The following CHD1L variants were observed in gnomAD, a reference collection of about 807,000 sequenced individuals.
CHD1L encodes chromodomain helicase DNA binding protein 1 like.
CHD1L carries 118 observed loss-of-function variants against 115.9 expected under a neutral mutation model. The observed-to-expected ratio is 1.02, with a 90% CI of 0.88 to 1.19. The LOEUF (loss-of-function observed/expected upper bound fraction) is 1.19. Ranked by LOEUF, CHD1L falls within the 50% of genes most tolerant of loss-of-function variation. The pLI is 0.00. For synonymous variants in CHD1L, 411 were observed against 387.1 expected, an observed-to-expected ratio of 1.06 and a Z score of -0.72; for missense variants, 1,179 against 1,065.3, an observed-to-expected ratio of 1.11 and a Z score of -1.49.
Position 147,280,202 on chromosome 1 carries a change from G to A in CHD1L, c.1705+11G>A, listed in dbSNP as rs1680287665. ...ATCAAGAGGAAGGAAGTAAGTTGGA[G>A]GTTAGAGCAGAGCAAATGGCACAAC... On this transcript the variant is annotated intron_variant, in intron 15 of 22. Coordinates refer to ENST00000369258, the MANE Select transcript of CHD1L (RefSeq NM_004284.6). The A allele has an allele frequency of 6.4e-7, 1 of 1,562,736 alleles. No homozygotes were observed. The highest frequency in any genetic ancestry group is 1.2e-5 in the South Asian group (1 of 82,010).
chr1:147,234,309 G>A, the CHD1L span, among the ~76,000 whole-genome samples: 31,185 of 152,032 alleles, frequency 0.21, 3,450 homozygotes, highest in South Asian at 0.26. Flanking sequence ...TGACTCTACC[G>A]GACTTTGTCA....
Position 147,275,981 on chromosome 1 carries a change from C to G in CHD1L, c.1386-123C>G, listed in dbSNP as rs371523673. On this transcript the variant is annotated intron_variant, in intron 13 of 22. Transcript: ENST00000369258. ...GCTCAGGACCAAATGAACCAATCTC[C>G]CTTTCATTGTACCCTGAATATGGTA... 5.3e-6 allele frequency: 5 copies of G among 937,274 alleles called. No individual in the cohort carries two copies. In the African/African-American group the frequency reaches 8.3e-5, roughly 15 times the overall value. The allele number at this position is 937,274 out of a possible 1,614,324, so 58.1% of individuals were successfully genotyped here.
the CHD1L span, among the ~76,000 whole-genome samples, chr1:147,189,196 C>A: frequency 6.6e-6 from 1 of 151,758 alleles, no homozygotes; most frequent in Non-Finnish European, 1.5e-5. Flanking sequence ...ATCGCTTGAA[C>A]CCAGGAGGCA....
intron 20 of CHD1L, 104 bp from the exon 21 acceptor site, chr1:147,293,504 A>G (rs1686374041): frequency 1.2e-6 from 1 of 838,658 alleles, no homozygotes. Flanking sequence ...GACAGAGCCA[A>G]GCCCAAGTGA....
chr1:147,273,712 G>T (rs4950316), intron 12 of CHD1L, among the ~76,000 whole-genome samples: 27,061 of 152,228 alleles, frequency 0.18, 3,073 homozygotes, highest in Middle Eastern at 0.26. Context: ...GGAAAAAAGA[G>T]ATCTCTGCTT....
At chr1:147,190,104 T>G in the CHD1L span, 8 of 1,023,844 alleles carry the variant, frequency 7.8e-6, no homozygotes, top group Non-Finnish European at 7.5e-6. Context: ...GGCAGTTAAA[T>G]ACAGTACAAT....
chr1:147,203,145 A>G, the CHD1L span: 4 of 466,166 alleles, frequency 8.6e-6, no homozygotes, highest in Non-Finnish European at 1.1e-5. Context: ...CAATATGTTT[A>G]TTATAACATC....
chr1:147,253,818 G>A (rs916777958), intron 2 of CHD1L, among the ~76,000 whole-genome samples: 1 of 152,140 alleles, frequency 6.6e-6, no homozygotes, highest in Admixed American at 6.5e-5. Context: ...ATTATAGTGC[G>A]TATATAGTTT....
At chr1:147,193,387 A>C in the CHD1L span, among the ~76,000 whole-genome samples, 1 of 149,120 alleles carries the variant, frequency 6.7e-6, no homozygotes, top group Non-Finnish European at 1.5e-5. Flanking sequence ...CATCTATTTG[A>C]TTCTTCTCTT....
At chr1:147,189,242 C>T in the CHD1L span, among the ~76,000 whole-genome samples, 54 of 151,292 alleles carry the variant, frequency 3.6e-4, no homozygotes, top group Non-Finnish European at 5.9e-4. Context: ...CCACTTACTC[C>T]AGCCTGAGTG....
the CHD1L span, chr1:147,178,102 C>A: frequency 2.6e-6 from 4 of 1,548,426 alleles, no homozygotes; most frequent in South Asian, 2.3e-5. Flanking sequence ...GCCCCCACCC[C>A]ACCTCGCCGC....
the CHD1L span, chr1:147,178,919 A>T: frequency 1.3e-6 from 2 of 1,586,870 alleles, no homozygotes; most frequent in Admixed American, 3.3e-5. Flanking sequence ...GATGTGGACT[A>T]TGAAAAGAAT....
the CHD1L span, among the ~76,000 whole-genome samples, chr1:147,207,006 G>C: frequency 6.6e-6 from 1 of 151,606 alleles, no homozygotes; most frequent in Non-Finnish European, 1.5e-5. Context: ...TTGATTACCT[G>C]ACAGGATACT....
At chr1:147,210,170 G>A in the CHD1L span, 8 of 152,200 alleles carry the variant, frequency 5.3e-5, no homozygotes, top group Admixed American at 5.2e-4. Context: ...GCTAGTAAGT[G>A]GCAGAGGTGA....
intron 13 of CHD1L, among the ~76,000 whole-genome samples, 154 bp downstream of exon 13, chr1:147,275,622 T>TGGGTG: frequency 1.3e-5 from 2 of 152,242 alleles, no homozygotes; most frequent in South Asian, 4.2e-4. Flanking sequence ...AGGGTAGTAT[T>TGGGTG]GGGTGGGTCA....
At chr1:147,208,764 T>C in the CHD1L span, 1 of 1,069,638 alleles carries the variant, frequency 9.3e-7, no homozygotes, top group Non-Finnish European at 1.4e-6. Context: ...AATGTATGGG[T>C]AGAGGTGGCT....
rs1553937327 is a variant in CHD1L, at chr1:147,252,727, A to G, written c.232A>G (p.Thr78Ala). 1.9e-6 allele frequency: 3 copies of G among 1,613,086 alleles called. No individual in the cohort carries two copies. The highest frequency in any genetic ancestry group is 2.5e-6 in the Non-Finnish European group (3 of 1,179,322). ...ILGDEMGLGK[T>A]CQTIALFIYL... ...GGGAGATGAGATGGGCCTGGGGAAG[A>G]CCTGCCAGGTGTGTTACTATGCGAC... The change falls in exon 2 of 23, where the codon ACC becomes GCC. Residue 78 changes from threonine (T) to alanine (A), a missense_variant. By Grantham distance (58) the Thr-to-Ala change is moderately conservative. Coordinates refer to ENST00000369258, the MANE Select transcript of CHD1L (RefSeq NM_004284.6).
chr1:147,227,160 CA>C, the CHD1L span, among the ~76,000 whole-genome samples: 1 of 152,150 alleles, frequency 6.6e-6, no homozygotes, highest in African/African-American at 2.4e-5. Flanking sequence ...ATATCTTTCA[CA>C]AAAGCATTCA....
the CHD1L span, among the ~76,000 whole-genome samples, chr1:147,227,341 T>A: frequency 6.6e-6 from 1 of 152,244 alleles, no homozygotes; most frequent in Admixed American, 6.5e-5. Context: ...ACATGAATAC[T>A]TTTATAAACT....
Sources: gnomAD v4.1 joint callset for allele counts (sites outside exome capture counted in the v4.1 genomes callset) on GRCh38, gnomAD v4.1.1 for gene constraint, MANE v1.5 for transcripts, NCBI Gene and HGNC (gene_info 2026-07-23, HGNC 2026-07-21) for gene names.